DOCK1: variants seen among roughly 807,000 people sequenced by gnomAD.
The protein encoded by DOCK1 is dedicator of cytokinesis 1, also known as dedicator of cytokinesis protein 1.
A neutral mutation model predicts 262.7 loss-of-function variants in DOCK1; 138 were observed. The observed-to-expected ratio is 0.53, with a 90% CI of 0.46 to 0.61. DOCK1 has a LOEUF of 0.61. DOCK1 is among the 20% of genes least tolerant of loss of function. The probability of loss-of-function intolerance (pLI) is 0.00; values close to 1 mark genes in which losing one functional copy is unlikely to be tolerated. For missense variants in DOCK1, 1,908 were observed against 2,370.7 expected (o/e 0.80, Z 4.05); for synonymous variants, 866 against 867.4 (o/e 1.00, Z 0.03).
intron 29 of DOCK1, among the ~76,000 whole-genome samples, chr10:127,297,340 G>T (rs1564973063): frequency 6.6e-6 from 1 of 152,146 alleles, no homozygotes; most frequent in Non-Finnish European, 1.5e-5. Context: ...TGCAGGAATG[G>T]ATTATACTGG....
chr10:127,394,867 C>T (rs1235561132), intron 38 of DOCK1, among the ~76,000 whole-genome samples: 1 of 152,122 alleles, frequency 6.6e-6, no homozygotes, highest in Admixed American at 6.5e-5. Context: ...CTCATATGAG[C>T]AGATAAATAA....
At chr10:127,416,730 A>T (rs1010564802) in intron 44 of DOCK1, among the ~76,000 whole-genome samples, 8 of 152,258 alleles carry the variant, frequency 5.3e-5, no homozygotes, top group African/African-American at 1.9e-4. Flanking sequence ...AAATGAGATT[A>T]GTAACAGGGA....
At chr10:127,179,427 CT>C (rs1429385859) in intron 27 of DOCK1, among the ~76,000 whole-genome samples, 10 of 152,122 alleles carry the variant, frequency 6.6e-5, no homozygotes, top group Non-Finnish European at 1.5e-4. Context: ...TTATTGCTGA[CT>C]TAAAAAACAG....
At chr10:127,136,942 A>C (rs2050753522) in intron 27 of DOCK1, 1 of 152,664 alleles carries the variant, frequency 6.6e-6, no homozygotes, top group South Asian at 2.1e-4. Context: ...GCCATGGCAC[A>C]GAATGCCTGT....
At chr10:127,046,350 C>T (rs1192978083) in intron 21 of DOCK1, among the ~76,000 whole-genome samples, 2 of 152,180 alleles carry the variant, frequency 1.3e-5, no homozygotes, top group Non-Finnish European at 2.9e-5. Context: ...CAGACTTCGC[C>T]TCTTCAGAAC....
intron 23 of DOCK1, among the ~76,000 whole-genome samples, 191 bp from the exon 24 acceptor site, chr10:127,106,040 C>G (rs1388398356): frequency 6.6e-6 from 1 of 152,180 alleles, no homozygotes; most frequent in South Asian, 2.1e-4. Context: ...GCTGGGATTA[C>G]AGGTGTGAGC....
intron 1 of DOCK1, among the ~76,000 whole-genome samples, chr10:126,935,163 C>T (rs1235800052): frequency 1.3e-5 from 2 of 152,168 alleles, no homozygotes; most frequent in Admixed American, 1.3e-4. Context: ...ATATCATAAC[C>T]ACATAAAAAG....
chr10:127,426,185 G>A (rs140139782), intron 47 of DOCK1, among the ~76,000 whole-genome samples, 174 bp downstream of exon 47: 1 of 152,300 alleles, frequency 6.6e-6, no homozygotes, highest in East Asian at 1.9e-4. Context: ...CGGCAACTCA[G>A]CAACCTCCTT....
intron 23 of DOCK1, among the ~76,000 whole-genome samples, chr10:127,083,702 A>G (rs1264303782): frequency 3.3e-5 from 5 of 152,244 alleles, no homozygotes; most frequent in Admixed American, 3.3e-4. Context: ...AATCTTCCCA[A>G]CAAATTCCTG....
intron 15 of DOCK1, 71 bp downstream of exon 15, chr10:127,024,854 T>C: frequency 7.6e-7 from 1 of 1,321,034 alleles, no homozygotes; most frequent in South Asian, 1.5e-5. Context: ...CAAGGAAACA[T>C]CCTAACATCC....
At chr10:127,365,387 A>G (rs1351300835) in intron 33 of DOCK1, among the ~76,000 whole-genome samples, 1 of 152,236 alleles carries the variant, frequency 6.6e-6, no homozygotes, top group Non-Finnish European at 1.5e-5. Flanking sequence ...TGCTGCTGGC[A>G]CTATATCATG....
At chr10:126,924,839 TC>T (rs1385853294) in intron 1 of DOCK1, among the ~76,000 whole-genome samples, 1 of 152,164 alleles carries the variant, frequency 6.6e-6, no homozygotes, top group Non-Finnish European at 1.5e-5. Flanking sequence ...AGGATCTAAG[TC>T]CCTGGAAATG....
In DOCK1 at chr10:127,100,606, G is replaced by A. The variant is rs907466832; in HGVS notation, c.2446-5625G>A. Among the ~76,000 whole-genome samples the A allele has an allele frequency of 6.6e-6, 1 of 152,086 alleles. No homozygotes were observed. The highest frequency in any genetic ancestry group is 2.4e-5 in the African/African-American group (1 of 41,418). On this transcript the variant is annotated intron_variant, in intron 23 of 51. Transcript: ENST00000623213. This position sits in a 1 kb window ranked among gnomAD's most constrained non-coding sequence, Gnocchi z 5.5. ...GGCATGGCAGGAGGTGAGGTCCCTT[G>A]TGGGATATGTGGAGGGACCCCGAGG...
At chr10:127,237,096 C>T (rs1043865611) in intron 27 of DOCK1, among the ~76,000 whole-genome samples, 1 of 152,118 alleles carries the variant, frequency 6.6e-6, no homozygotes, top group Non-Finnish European at 1.5e-5. Flanking sequence ...CGGTGACTCT[C>T]GCCTGTAATC....
intron 47 of DOCK1, among the ~76,000 whole-genome samples, chr10:127,429,346 C>A (rs2069122826): frequency 6.6e-6 from 1 of 152,116 alleles, no homozygotes; most frequent in Non-Finnish European, 1.5e-5. Flanking sequence ...CTTTGAGAGT[C>A]AAGGGGACTG....
chr10:126,950,115 T>C (rs1035410149), intron 1 of DOCK1, among the ~76,000 whole-genome samples: 7 of 152,236 alleles, frequency 4.6e-5, no homozygotes, highest in African/African-American at 1.4e-4. Flanking sequence ...GTAAAGTTTT[T>C]GTGATAATGA....
chr10:126,953,813 T>G (rs2036523076), intron 1 of DOCK1, among the ~76,000 whole-genome samples: 1 of 151,868 alleles, frequency 6.6e-6, no homozygotes, highest in Non-Finnish European at 1.5e-5. Flanking sequence ...TACAGGTGAG[T>G]CAGGTGGAGC....
chr10:127,125,726 T>C (rs759208052), intron 26 of DOCK1, 125 bp downstream of exon 26: 17 of 1,353,320 alleles, frequency 1.3e-5, no homozygotes, highest in Non-Finnish European at 1.6e-5. Flanking sequence ...TCTTTTTGTC[T>C]CGGTAGAGTT....
intron 38 of DOCK1, among the ~76,000 whole-genome samples, chr10:127,395,209 A>G (rs1458247281): frequency 1.3e-5 from 2 of 152,108 alleles, no homozygotes; most frequent in Non-Finnish European, 2.9e-5. Context: ...TGGTTTATAA[A>G]CCACAGATTC....
Sources: allele counts gnomAD v4.1 joint callset (sites outside exome capture counted in the v4.1 genomes callset), GRCh38; gene constraint gnomAD v4.1.1; non-coding constraint Gnocchi (gnomAD v3.1); transcripts MANE v1.5; gene names NCBI Gene and HGNC (gene_info 2026-07-23, HGNC 2026-07-21).